The following PCDH11X variants were observed in gnomAD, a reference collection of about 807,000 sequenced individuals.
The protein encoded by PCDH11X is protocadherin 11 X-linked, also known as protocadherin-11 X-linked.
A neutral mutation model predicts 53.3 loss-of-function variants in PCDH11X; 18 were observed. The ratio of observed to expected loss-of-function variants is 0.34; its 90% CI spans 0.23 to 0.50. PCDH11X has a LOEUF of 0.50. PCDH11X is among the 20% of genes least tolerant of loss of function. The pLI is 0.98. For synonymous variants in PCDH11X, 279 were observed against 393.3 expected (o/e 0.71, Z 3.44); for missense variants, 570 against 1,032.4 (o/e 0.55, Z 6.14).
chrX:91,919,291 C>T (rs1374282369), intron 6 of PCDH11X, among the ~76,000 whole-genome samples: 1 of 111,572 alleles, frequency 9.0e-6, no homozygotes, highest in East Asian at 2.8e-4. Context: ...CTAATGGCAG[C>T]ACTGACCTAG....
chrX:92,360,071 A>G (rs910569918), intron 8 of PCDH11X, among the ~76,000 whole-genome samples: 7 of 111,079 alleles, frequency 6.3e-5, no homozygotes, highest in African/African-American at 2.3e-4. Flanking sequence ...TTATCTGAAT[A>G]TAAAAGATCT....
chrX:91,878,794 T>A lies in PCDH11X; in HGVS notation c.2554T>A (p.Ser852Thr), dbSNP rs1301071442. The part of the protein sequence containing the change: ...LKAAQKNKQN[S>T]EWATPNPENR... ...GGCTGCTCAGAAAAACAAGCAGAATTCTGAATGGGCTACCCCAAACCCAGA... is the reference window on the plus strand; with the variant it reads ...GGCTGCTCAGAAAAACAAGCAGAATACTGAATGGGCTACCCCAAACCCAGA... Residue 852 changes from serine (S) to threonine (T), a missense_variant, in exon 6 of 11, where the codon TCT becomes ACT. Coordinates refer to ENST00000682573, the MANE Select transcript of PCDH11X (RefSeq NM_032968.5). 1 of 1,208,324 alleles carries A rather than the reference T, an allele frequency of 8.3e-7. No individual in the cohort carries two copies. The highest frequency in any genetic ancestry group is 1.8e-5 in the African/African-American group (1 of 56,608).
At chrX:92,151,885 C>T (rs976238520) in intron 6 of PCDH11X, among the ~76,000 whole-genome samples, 6 of 106,604 alleles carry the variant, frequency 5.6e-5, no homozygotes, top group Non-Finnish European at 9.6e-5. Context: ...TAATTTTAAA[C>T]ATTGTAGATC....
chrX:92,563,046 C>CGTTTTTTTTTTTT (rs2075157449), intron 10 of PCDH11X, among the ~76,000 whole-genome samples: 1 of 65,441 alleles, frequency 1.5e-5, no homozygotes, highest in African/African-American at 6.0e-5. Context: ...TCCTTGGTAC[C>CGTTTTTTTTTTTT]GTTTTTTTTT....
chrX:92,008,629 T>G (rs1204054728), intron 6 of PCDH11X, among the ~76,000 whole-genome samples: 1 of 93,638 alleles, frequency 1.1e-5, no homozygotes, highest in Non-Finnish European at 2.1e-5. Flanking sequence ...CTTATGAAAG[T>G]TTTTTTTTTT....
At chrX:92,248,789 G>T (rs746844573) in intron 7 of PCDH11X, among the ~76,000 whole-genome samples, 5 of 110,925 alleles carry the variant, frequency 4.5e-5, no homozygotes, top group Non-Finnish European at 9.4e-5. Context: ...AAGCAATTCC[G>T]CCTCCTGGGT....
At chrX:92,039,682 C>G (rs2063181764) in intron 6 of PCDH11X, among the ~76,000 whole-genome samples, 1 of 111,973 alleles carries the variant, frequency 8.9e-6, no homozygotes, top group African/African-American at 3.3e-5. Flanking sequence ...CTTAGGGACC[C>G]CAAGAACCTG....
At chrX:92,190,000 G>A (rs2066166286) in intron 6 of PCDH11X, among the ~76,000 whole-genome samples, 2 of 111,747 alleles carry the variant, frequency 1.8e-5, no homozygotes, top group Admixed American at 1.9e-4. Flanking sequence ...ATATGCTCCT[G>A]TTCTGTAGGT....
chrX:92,235,108 G>T (rs749050038), intron 7 of PCDH11X, among the ~76,000 whole-genome samples: 1 of 110,864 alleles, frequency 9.0e-6, no homozygotes, highest in Admixed American at 9.6e-5. Context: ...CAGAAGGATA[G>T]AAGTTATTAA....
At chrX:92,272,646 T>C (rs900917116) in intron 8 of PCDH11X, among the ~76,000 whole-genome samples, 1 of 112,567 alleles carries the variant, frequency 8.9e-6, no homozygotes, top group Non-Finnish European at 1.9e-5. Context: ...TCAACAAGTC[T>C]TATAGGTTCC....
intron 8 of PCDH11X, among the ~76,000 whole-genome samples, chrX:92,337,134 C>T (rs376259): frequency 0.39 from 41,613 of 106,132 alleles, 7,224 homozygotes; most frequent in Non-Finnish European, 0.5. Context: ...TGGAGATAGC[C>T]GGAACACTGA....
In PCDH11X at chrX:92,223,788, A is replaced by C. The variant is rs2066921471; in HGVS notation, c.3114+22333A>C. Reference sequence around the variant, plus strand: ...TTCTATTACTTAACCTATATAAAGCACTTAGTACAGTGTCTAGCACATAGT... The same window carrying C: ...TTCTATTACTTAACCTATATAAAGCCCTTAGTACAGTGTCTAGCACATAGT... On this transcript the variant is annotated intron_variant, in intron 7 of 10. Transcript: ENST00000682573. Among the ~76,000 whole-genome samples, 2 of 111,697 alleles carry C rather than the reference A, an allele frequency of 1.8e-5. 1 individual carries two copies. The highest frequency in any genetic ancestry group is 1.9e-4 in the Admixed American group (2 of 10,508).
chrX:91,787,878 T>C (rs1219317738), intron 1 of PCDH11X, among the ~76,000 whole-genome samples: 3 of 110,622 alleles, frequency 2.7e-5, no homozygotes, highest in Admixed American at 1.9e-4. Context: ...TCACATTAAA[T>C]TGAATTCAAC....
chrX:92,066,366 TA>T (rs1602801404), intron 6 of PCDH11X, among the ~76,000 whole-genome samples: 1 of 92,883 alleles, frequency 1.1e-5, no homozygotes, highest in Non-Finnish European at 2.1e-5. Context: ...CTTTTAGAAT[TA>T]TTTTTTTTTC....
intron 6 of PCDH11X, among the ~76,000 whole-genome samples, chrX:91,990,478 A>G (rs1447965246): frequency 9.1e-6 from 1 of 110,376 alleles, no homozygotes; most frequent in Non-Finnish European, 1.9e-5. Flanking sequence ...TGCTTGCTTT[A>G]TCACTTTTAT....
intron 8 of PCDH11X, among the ~76,000 whole-genome samples, chrX:92,375,164 A>ATTTTTTT (rs1817360852): frequency 1.0e-4 from 1 of 9,961 alleles, no homozygotes; most frequent in African/African-American, 3.3e-4. Flanking sequence ...ATATATATAT[A>ATTTTTTT]TATTTTTTTT....
At chrX:92,498,801 A>G (rs115038964) in intron 10 of PCDH11X, among the ~76,000 whole-genome samples, 5,613 of 107,678 alleles carry the variant, frequency 0.052, 353 homozygotes, top group African/African-American at 0.18. Flanking sequence ...ATAATAAAAA[A>G]TATAACATGA....
chrX:92,037,510 C>G (rs970702050), intron 6 of PCDH11X, among the ~76,000 whole-genome samples: 4 of 111,462 alleles, frequency 3.6e-5, no homozygotes, highest in Non-Finnish European at 7.5e-5. Context: ...AATAGTGCTG[C>G]AATAAACATA....
chrX:91,901,190 G>T (rs1352830795), intron 6 of PCDH11X, among the ~76,000 whole-genome samples: 1 of 111,467 alleles, frequency 9.0e-6, no homozygotes, highest in Non-Finnish European at 1.9e-5. Context: ...TATGAAATGT[G>T]ACTGGGATAT....
Sources: gnomAD v4.1 joint callset for allele counts (sites outside exome capture counted in the v4.1 genomes callset) on GRCh38, gnomAD v4.1.1 for gene constraint, MANE v1.5 for transcripts, NCBI Gene and HGNC (gene_info 2026-07-23, HGNC 2026-07-21) for gene names.